The following ATP11A variants were observed in gnomAD, a reference collection of about 807,000 sequenced individuals.
ATP11A encodes phospholipid-transporting ATPase IH.
A neutral mutation model predicts 154.4 loss-of-function variants in ATP11A; 81 were observed. That is an observed-to-expected ratio of 0.52 (90% CI 0.44 to 0.63). The LOEUF is 0.63. Among genes scored for constraint, ATP11A ranks in the 30% least tolerant of loss-of-function variants. The probability of loss-of-function intolerance (pLI) is 0.00; values close to 1 mark genes in which losing one functional copy is unlikely to be tolerated. For missense variants in ATP11A, 1,316 were observed against 1,474.3 expected (o/e 0.89, Z 1.76); for synonymous variants, 623 against 585.9 (o/e 1.06, Z -0.91).
chr13:112,865,491 G>T (rs540156021), intron 25 of ATP11A, among the ~76,000 whole-genome samples: 4 of 152,204 alleles, frequency 2.6e-5, no homozygotes, highest in Non-Finnish European at 5.9e-5. Flanking sequence ...TTTAAAGATC[G>T]CATTACCTGA....
rs77464370 is a variant in ATP11A at position 112,803,689 on chromosome 13, C to G, written c.163-1268C>G. On this transcript the variant is annotated intron_variant, in intron 2 of 29. Transcript: ENST00000375645. Reference sequence around the variant, plus strand: ...GTGGCTGGGCATTCTCCCTCCTTCCCCTCCCTCCCCTCCTTCTCTCATTCC... The same window carrying G: ...GTGGCTGGGCATTCTCCCTCCTTCCGCTCCCTCCCCTCCTTCTCTCATTCC... Among the ~76,000 whole-genome samples the G allele has an allele frequency of 4.5e-3, 663 of 148,826 alleles. 9 individuals carry two copies. Among genetic ancestry groups the G allele is most frequent in the African/African-American group, 0.016 (638 of 39,652 alleles).
chr13:112,863,659 C>CG (rs1450685815), intron 25 of ATP11A, among the ~76,000 whole-genome samples: 1 of 144,110 alleles, frequency 6.9e-6, no homozygotes, highest in African/African-American at 2.6e-5. Context: ...AGCTTCCCAG[C>CG]GGGATCCATC....
At chr13:112,857,738 T>C (rs574217215) in intron 20 of ATP11A, 80 bp from the exon 21 acceptor site, 3 of 1,164,398 alleles carry the variant, frequency 2.6e-6, no homozygotes, top group Admixed American at 2.0e-5. Context: ...TTTTCATCTT[T>C]GTTATTTCTG....
chr13:112,730,305 A>G (rs1046021230), intron 1 of ATP11A, among the ~76,000 whole-genome samples: 2 of 151,584 alleles, frequency 1.3e-5, no homozygotes, highest in African/African-American at 2.4e-5. Flanking sequence ...TCTGTGATTC[A>G]TGTGGATCTG....
chr13:112,774,100 A>T (rs997199270), intron 1 of ATP11A, among the ~76,000 whole-genome samples: 5 of 152,360 alleles, frequency 3.3e-5, no homozygotes, highest in Admixed American at 2.0e-4. Flanking sequence ...CTGGCTAAGC[A>T]TTGCGGCCGA....
At chr13:112,841,019 A>G (rs2079398931) in intron 16 of ATP11A, among the ~76,000 whole-genome samples, 1 of 152,248 alleles carries the variant, frequency 6.6e-6, no homozygotes, top group African/African-American at 2.4e-5. Flanking sequence ...CGTGCCGCTC[A>G]GGCTGCTGTG....
rs2077672369 is a variant in ATP11A at position 112,787,442 on chromosome 13, CGGGTGTCCTG to C, written c.162+2186_162+2195del. Among the ~76,000 whole-genome samples, 7 of 128,172 alleles carry C rather than the reference CGGGTGTCCTG, an allele frequency of 5.5e-5. 1 individual carries two copies. The highest frequency in any genetic ancestry group is 1.5e-4 in the Admixed American group (2 of 13,774). 84.1% of individuals were successfully genotyped at this position (128,172 alleles called of 152,430 possible). A position where few individuals can be genotyped will look rare whatever the true frequency, so the allele number is the denominator to read the frequency against. ...CTGTGGAGACCTACTTAATTCACAC[CGGGTGTCCTG>C]ATGTGTAGACCCCTGTGGATACCTA... is the stretch of plus-strand genomic sequence containing the variant. On this transcript the variant is annotated intron_variant, in intron 2 of 29. Coordinates refer to ENST00000375645, the MANE Select transcript of ATP11A (RefSeq NM_015205.3).
chr13:112,707,301 C>G (rs1478204082), intron 1 of ATP11A, among the ~76,000 whole-genome samples: 11 of 151,808 alleles, frequency 7.2e-5, no homozygotes, highest in Non-Finnish European at 1.0e-4. Flanking sequence ...TGTAATCCCA[C>G]CTACTCAGGA....
At chr13:112,776,075 T>C (rs1300379379) in intron 1 of ATP11A, among the ~76,000 whole-genome samples, 2 of 152,202 alleles carry the variant, frequency 1.3e-5, no homozygotes, top group African/African-American at 4.8e-5. Context: ...GCGGCTGACC[T>C]GCAGGCTCGG....
intron 2 of ATP11A, among the ~76,000 whole-genome samples, chr13:112,803,899 C>CCCCTCCTTTT (rs1419556050): frequency 2.3e-5 from 2 of 86,804 alleles, no homozygotes; most frequent in African/African-American, 4.1e-5. Flanking sequence ...TCCCCTCCTT[C>CCCCTCCTTTT]CCTCCTTCAC....
intron 5 of ATP11A, among the ~76,000 whole-genome samples, chr13:112,813,340 A>G (rs989442729): frequency 8.5e-5 from 13 of 152,200 alleles, no homozygotes; most frequent in African/African-American, 2.7e-4. Context: ...TGTCATCTCA[A>G]GGATATGATA....
chr13:112,696,524 GC>G lies in ATP11A; in HGVS notation c.39+6072del, dbSNP rs1885827416. ...TCTCCCTCTCTGAGTGACACTGTCTGCCCTGCTGCTTGCCGTCCCGCTGTTG... is the reference window on the plus strand; with the variant it reads ...TCTCCCTCTCTGAGTGACACTGTCTGCCTGCTGCTTGCCGTCCCGCTGTTG... On this transcript the variant is annotated intron_variant, in intron 1 of 29. Coordinates refer to ENST00000375645, the MANE Select transcript of ATP11A (RefSeq NM_015205.3). The surrounding 1 kb of genome is among the most constrained non-coding windows in gnomAD (Gnocchi z 6.2). Among the ~76,000 whole-genome samples the G allele has an allele frequency of 6.6e-6, 1 of 152,070 alleles. No homozygotes were observed. Among genetic ancestry groups the G allele is most frequent in the African/African-American group, 2.4e-5 (1 of 41,400 alleles).
In ATP11A at chr13:112,696,666, T is replaced by A. The variant is rs1049564244; in HGVS notation, c.39+6211T>A. On this transcript the variant is annotated intron_variant, in intron 1 of 29. Transcript: ENST00000375645. This position sits in a 1 kb window ranked among gnomAD's most constrained non-coding sequence, Gnocchi z 6.2. The stretch of plus-strand genomic sequence containing the variant: ...GCCCGTCCTTCCTTCTCCTGTCTCT[T>A]CTGTGCCTACCGCGGGGGGTTCCCT... Among the ~76,000 whole-genome samples, 2 of 152,034 alleles carry A rather than the reference T, an allele frequency of 1.3e-5. No individual in the cohort carries two copies. Among genetic ancestry groups the A allele is most frequent in the Admixed American group, 1.3e-4 (2 of 15,282 alleles).
At chr13:112,701,717 C>T (rs1886564982) in intron 1 of ATP11A, among the ~76,000 whole-genome samples, 2 of 152,058 alleles carry the variant, frequency 1.3e-5, no homozygotes, top group Admixed American at 1.3e-4. Flanking sequence ...CCTGTAGTCC[C>T]AGCTACTCGG....
chr13:112,867,153 C>G (rs2080361600), intron 25 of ATP11A, among the ~76,000 whole-genome samples: 1 of 152,210 alleles, frequency 6.6e-6, no homozygotes, highest in African/African-American at 2.4e-5. Flanking sequence ...TTTTCCCACA[C>G]TTGATTTTCC....
chr13:112,756,848 C>CACGGG (rs2076849700), intron 1 of ATP11A, among the ~76,000 whole-genome samples: 1 of 151,512 alleles, frequency 6.6e-6, no homozygotes, highest in African/African-American at 2.4e-5. Context: ...CTGCTCCCAG[C>CACGGG]GCGGGGTCTG....
At chr13:112,828,120 A>AACGCCCAGCAGTGTTGAGT (rs2078982698) in intron 12 of ATP11A, among the ~76,000 whole-genome samples, 2 of 143,136 alleles carry the variant, frequency 1.4e-5, no homozygotes, top group African/African-American at 2.6e-5. Flanking sequence ...AGTGGGGGGA[A>AACGCCCAGCAGTGTTGAGT]GCGCCCAGCA....
intron 18 of ATP11A, among the ~76,000 whole-genome samples, chr13:112,852,486 G>A (rs2079794618): frequency 1.3e-5 from 2 of 152,198 alleles, no homozygotes; most frequent in Admixed American, 6.5e-5. Context: ...TGTAAAGAAC[G>A]CGACTTGCAC....
rs181710682 is a variant in ATP11A at position 112,724,177 on chromosome 13, G to A, written c.39+33722G>A. On this transcript the variant is annotated intron_variant, in intron 1 of 29. Transcript: ENST00000375645. Reference sequence around the variant, plus strand: ...CCCTATTGCCCCCTTCTCCCCCATCGCCCTCTTCGCCCCCATCGGCACCAT... The same window carrying A: ...CCCTATTGCCCCCTTCTCCCCCATCACCCTCTTCGCCCCCATCGGCACCAT... Among the ~76,000 whole-genome samples, 504 of 121,468 alleles carry A rather than the reference G, an allele frequency of 4.1e-3. 7 individuals carry two copies. The highest frequency in any genetic ancestry group is 0.015 in the African/African-American group (478 of 31,196). The allele number at this position is 121,468 out of a possible 152,430, so 79.7% of individuals were successfully genotyped here. A position where few individuals can be genotyped will look rare whatever the true frequency, so the allele number is the denominator to read the frequency against.
Sources: gnomAD v4.1 joint callset for allele counts (sites outside exome capture counted in the v4.1 genomes callset) on GRCh38, gnomAD v4.1.1 for gene constraint, Gnocchi (gnomAD v3.1) non-coding constraint, MANE v1.5 for transcripts, NCBI Gene and HGNC (gene_info 2026-07-23, HGNC 2026-07-21) for gene names.